CDKAL1: variants seen among roughly 807,000 people sequenced by gnomAD.
The protein encoded by CDKAL1 is threonylcarbamoyladenosine tRNA methylthiotransferase.
In CDKAL1, 32 loss-of-function variants were observed where a neutral mutation model predicts 68.2. The ratio of observed to expected loss-of-function variants is 0.47; its 90% CI spans 0.35 to 0.63. CDKAL1 has a LOEUF of 0.63. Ranked by LOEUF, CDKAL1 falls within the 30% of genes least tolerant of loss-of-function variation. The pLI is 0.00. For synonymous variants in CDKAL1, 234 were observed against 244.3 expected (o/e 0.96, Z 0.39); for missense variants, 606 against 696.7 (o/e 0.87, Z 1.47).
At chr6:21,187,239 A>G (rs1433084623) in intron 13 of CDKAL1, among the ~76,000 whole-genome samples, 1 of 152,216 alleles carries the variant, frequency 6.6e-6, no homozygotes, top group Non-Finnish European at 1.5e-5. Flanking sequence ...AACTGGCAGG[A>G]TAGAATCCAT....
chr6:21,062,925 TG>T (rs1771222720), intron 11 of CDKAL1, among the ~76,000 whole-genome samples: 1 of 152,134 alleles, frequency 6.6e-6, no homozygotes, highest in African/African-American at 2.4e-5. Context: ...TTTGTTTGTT[TG>T]TTTTTTGAGA....
intron 13 of CDKAL1, among the ~76,000 whole-genome samples, chr6:21,184,038 C>T (rs1391711141): frequency 6.6e-6 from 1 of 151,948 alleles, no homozygotes; most frequent in Non-Finnish European, 1.5e-5. Flanking sequence ...TACAACTGAC[C>T]AGCAGTAACA....
chr6:20,614,550 T>A (rs866700796), intron 4 of CDKAL1, among the ~76,000 whole-genome samples: 35 of 152,196 alleles, frequency 2.3e-4, no homozygotes, highest in Admixed American at 9.2e-4. Context: ...TTAAGAGTTA[T>A]GTTTGTTCAG....
At chr6:20,953,807 A>G (rs906275869) in intron 9 of CDKAL1, among the ~76,000 whole-genome samples, 5 of 152,180 alleles carry the variant, frequency 3.3e-5, no homozygotes, top group Non-Finnish European at 7.4e-5. Flanking sequence ...AAGGTTTATT[A>G]TTTCTGGAAG....
At chr6:20,875,740 C>A (rs989232078) in intron 9 of CDKAL1, among the ~76,000 whole-genome samples, 1 of 152,024 alleles carries the variant, frequency 6.6e-6, no homozygotes, top group Non-Finnish European at 1.5e-5. Flanking sequence ...TTATTAGTTT[C>A]ACATTACTAA....
intron 15 of CDKAL1, among the ~76,000 whole-genome samples, chr6:21,223,462 G>C (rs1779609356): frequency 6.6e-6 from 1 of 152,172 alleles, no homozygotes; most frequent in African/African-American, 2.4e-5. Flanking sequence ...TTTTCACATA[G>C]AGCCTATCCT....
At chr6:20,861,373 A>G (rs1027752298) in intron 9 of CDKAL1, among the ~76,000 whole-genome samples, 2 of 152,184 alleles carry the variant, frequency 1.3e-5, no homozygotes. Flanking sequence ...GCTGGATTTG[A>G]CTCAGGGTTC....
intron 4 of CDKAL1, among the ~76,000 whole-genome samples, chr6:20,629,768 C>CT (rs1216381980): frequency 6.6e-6 from 1 of 151,930 alleles, no homozygotes; most frequent in African/African-American, 2.4e-5. Context: ...TGGTTGCCCC[C>CT]TGTAGAGATG....
At chr6:21,068,449 G>A (rs1290125204) in intron 12 of CDKAL1, among the ~76,000 whole-genome samples, 2 of 151,914 alleles carry the variant, frequency 1.3e-5, no homozygotes, top group Non-Finnish European at 2.9e-5. Flanking sequence ...TTTTTGCCTC[G>A]GAAGCTATCC....
At chr6:20,544,451 C>G (rs1763509665) in intron 2 of CDKAL1, among the ~76,000 whole-genome samples, 1 of 151,534 alleles carries the variant, frequency 6.6e-6, no homozygotes, top group Non-Finnish European at 1.5e-5. Context: ...CAAAAATTAG[C>G]CGGGCATGGT....
intron 8 of CDKAL1, among the ~76,000 whole-genome samples, chr6:20,798,369 T>A (rs1776203126): frequency 1.3e-5 from 2 of 152,140 alleles, no homozygotes; most frequent in African/African-American, 4.8e-5. Flanking sequence ...ATGTCAGTTT[T>A]AAAAAAATTA....
chr6:20,790,636 T>C (rs558953616), intron 8 of CDKAL1, among the ~76,000 whole-genome samples: 2 of 152,272 alleles, frequency 1.3e-5, no homozygotes, highest in South Asian at 2.1e-4. Context: ...ACCTGTGCTA[T>C]AGCATTCGGT....
intron 10 of CDKAL1, among the ~76,000 whole-genome samples, chr6:20,966,922 C>T (rs548516077): frequency 1.9e-4 from 29 of 152,196 alleles, no homozygotes; most frequent in South Asian, 1.0e-3. Flanking sequence ...TTTCTATATT[C>T]TTCCATTATT....
chr6:20,714,641 T>G (rs957086298), intron 5 of CDKAL1, among the ~76,000 whole-genome samples: 1 of 152,100 alleles, frequency 6.6e-6, no homozygotes, highest in Non-Finnish European at 1.5e-5. Flanking sequence ...CCTGAGCCAT[T>G]CACCTGATAT....
chr6:21,216,930 C>T, intron 15 of CDKAL1, among the ~76,000 whole-genome samples: 1 of 152,164 alleles, frequency 6.6e-6, no homozygotes, highest in Non-Finnish European at 1.5e-5. Context: ...GTACAGCTCC[C>T]ACCTTACCAG....
At chr6:20,929,857 C>T (rs770997511) in intron 9 of CDKAL1, among the ~76,000 whole-genome samples, 4 of 151,984 alleles carry the variant, frequency 2.6e-5, no homozygotes, top group Non-Finnish European at 5.9e-5. Context: ...CCAAAGAATA[C>T]AAGGAAAAAA....
intron 8 of CDKAL1, among the ~76,000 whole-genome samples, chr6:20,834,002 C>T (rs1431004532): frequency 6.6e-6 from 1 of 152,158 alleles, no homozygotes; most frequent in African/African-American, 2.4e-5. Flanking sequence ...GCGATCTGTG[C>T]TTTGATAAGA....
intron 9 of CDKAL1, among the ~76,000 whole-genome samples, chr6:20,902,215 G>C (rs1270878387): frequency 6.6e-6 from 1 of 151,962 alleles, no homozygotes; most frequent in Non-Finnish European, 1.5e-5. Flanking sequence ...ATTTCCAAAG[G>C]ATCAGTAGCT....
chr6:21,143,762 T>A (rs1776033312), intron 13 of CDKAL1, among the ~76,000 whole-genome samples: 1 of 152,164 alleles, frequency 6.6e-6, no homozygotes. Flanking sequence ...CCTGAAAGAT[T>A]ATTGATTGTC....
Sources: gnomAD v4.1 joint callset for allele counts (sites outside exome capture counted in the v4.1 genomes callset) on GRCh38, gnomAD v4.1.1 for gene constraint, MANE v1.5 for transcripts, NCBI Gene and HGNC (gene_info 2026-07-23, HGNC 2026-07-21) for gene names.